Variants in CMSS1 observed in about 807,000 individuals in gnomAD.
CMSS1 encodes the protein protein CMSS1.
In CMSS1, 33 loss-of-function variants were observed where a neutral mutation model predicts 43.5. The observed-to-expected ratio is 0.76, with a 90% CI of 0.57 to 1.01. The LOEUF is 1.01. CMSS1 is among the 50% of genes least tolerant of loss of function. The pLI is 0.00. For missense variants in CMSS1, 313 were observed against 326.4 expected (o/e 0.96, Z 0.32); for synonymous variants, 115 against 117.2 (o/e 0.98, Z 0.12).
intron 1 of CMSS1, among the ~76,000 whole-genome samples, chr3:99,819,377 T>C (rs1255423319): frequency 2.0e-5 from 3 of 152,206 alleles, no homozygotes; most frequent in Non-Finnish European, 4.4e-5. Flanking sequence ...GGATCCCAAT[T>C]CTTGGTTCTA....
chr3:99,858,177 T>C (rs1348425295), intron 1 of CMSS1, among the ~76,000 whole-genome samples: 1 of 152,130 alleles, frequency 6.6e-6, no homozygotes, highest in Admixed American at 6.5e-5. Context: ...TTAAAAATAC[T>C]CATTAGTGCC....
chr3:100,096,175 G>A (rs970164246), intron 1 of CMSS1, among the ~76,000 whole-genome samples: 1 of 152,150 alleles, frequency 6.6e-6, no homozygotes, highest in Non-Finnish European at 1.5e-5. Context: ...ATGAAAATTG[G>A]TACAACCACT....
chr3:99,990,363 A>G (rs1468871293), intron 1 of CMSS1, among the ~76,000 whole-genome samples: 2 of 152,196 alleles, frequency 1.3e-5, no homozygotes, highest in Non-Finnish European at 2.9e-5. Flanking sequence ...TGATCCGTTC[A>G]ATCTCTCTAT....
intron 1 of CMSS1, among the ~76,000 whole-genome samples, chr3:100,059,946 G>A (rs2065531579): frequency 6.6e-6 from 1 of 151,830 alleles, no homozygotes; most frequent in Non-Finnish European, 1.5e-5. Flanking sequence ...CCTCGTTAGT[G>A]AGGTAAATCA....
chr3:99,981,213 C>A (rs1709113813), intron 1 of CMSS1, among the ~76,000 whole-genome samples: 1 of 152,146 alleles, frequency 6.6e-6, no homozygotes, highest in African/African-American at 2.4e-5. Context: ...TTTATACCTT[C>A]CAACTTTTAA....
intron 1 of CMSS1, among the ~76,000 whole-genome samples, chr3:100,037,287 A>G (rs2065124235): frequency 6.6e-6 from 1 of 152,216 alleles, no homozygotes; most frequent in African/African-American, 2.4e-5. Flanking sequence ...GGTTTAGAAA[A>G]ACAAATGTGT....
At chr3:100,062,261 G>A (rs1022134542) in intron 1 of CMSS1, among the ~76,000 whole-genome samples, 5 of 151,376 alleles carry the variant, frequency 3.3e-5, no homozygotes, top group Non-Finnish European at 5.9e-5. Flanking sequence ...ACAGGCGCTC[G>A]CCACCACGCC....
chr3:100,167,674 C>A lies in CMSS1; in HGVS notation c.416-64C>A, dbSNP rs532679009. 96 of 954,924 alleles carry A rather than the reference C, an allele frequency of 1.0e-4. 1 individual carries two copies. In the South Asian group the frequency reaches 1.5e-3, roughly 15 times the overall value. The allele number at this position is 954,924 out of a possible 1,614,324, so 59.2% of individuals were successfully genotyped here. Reference sequence around the variant, plus strand: ...AAATACTCAACAAAGAAGAAATGCTCAACTTGGGAGGTGTGCCCTGTTTTG... The same window carrying A: ...AAATACTCAACAAAGAAGAAATGCTAAACTTGGGAGGTGTGCCCTGTTTTG... On this transcript the variant is annotated intron_variant, in intron 5 of 9. Coordinates refer to ENST00000421999, the MANE Select transcript of CMSS1 (RefSeq NM_032359.4).
chr3:99,972,878 G>A (rs1207158955), intron 1 of CMSS1, among the ~76,000 whole-genome samples: 2 of 152,200 alleles, frequency 1.3e-5, no homozygotes, highest in African/African-American at 4.8e-5. Context: ...CATGTTAGAT[G>A]TAAATAATGA....
chr3:99,849,894 T>C, intron 1 of CMSS1: 1 of 1,611,902 alleles, frequency 6.2e-7, no homozygotes, highest in Non-Finnish European at 8.5e-7. Context: ...TTGCTTCCAA[T>C]GATTGAAGCC....
At chr3:99,983,438 ATATGTATGTATATATATATATGTGTG>A (rs1709207229) in intron 1 of CMSS1, among the ~76,000 whole-genome samples, 3 of 50,608 alleles carry the variant, frequency 5.9e-5, no homozygotes, top group Non-Finnish European at 7.7e-5. Flanking sequence ...GTATGTATAT[ATATGTATGTATATATATATATGTGTG>A]TATATATATA....
chr3:99,959,582 G>T (rs1324031222), intron 1 of CMSS1, among the ~76,000 whole-genome samples: 3 of 152,144 alleles, frequency 2.0e-5, no homozygotes, highest in African/African-American at 4.8e-5. Context: ...AGTTTTCCAC[G>T]TGTATAATTT....
chr3:100,140,694 G>A (rs1344747404), intron 1 of CMSS1, among the ~76,000 whole-genome samples: 1 of 152,024 alleles, frequency 6.6e-6, no homozygotes, highest in Non-Finnish European at 1.5e-5. Flanking sequence ...AGAGGAGCAA[G>A]GTTGTTCGCT....
At chr3:100,047,632 G>A (rs1025128314) in intron 1 of CMSS1, among the ~76,000 whole-genome samples, 1 of 152,196 alleles carries the variant, frequency 6.6e-6, no homozygotes, top group Non-Finnish European at 1.5e-5. Flanking sequence ...AACTGCAGGT[G>A]TCTGTCAAGA....
Position 100,065,833 on chromosome 3 carries a change from C to T in CMSS1, c.65-81140C>T, listed in dbSNP as rs6789840. On this transcript the variant is annotated intron_variant, in intron 1 of 9. Transcript: ENST00000421999. ...AATTCCATCAATAAATGTTTATTGG[C>T]CAGGTATCATTTACCTAATACTGTG... Among the ~76,000 whole-genome samples, 674 of 152,238 alleles carry T rather than the reference C, an allele frequency of 4.4e-3. 7 individuals carry two copies. Among genetic ancestry groups the T allele is most frequent in the African/African-American group, 0.016 (660 of 41,538 alleles).
At chr3:99,828,966 C>T (rs1942591868) in intron 1 of CMSS1, among the ~76,000 whole-genome samples, 2 of 152,028 alleles carry the variant, frequency 1.3e-5, no homozygotes, top group South Asian at 4.1e-4. Flanking sequence ...TGCCCATCAT[C>T]CCTTTCAATG....
Position 99,930,790 on chromosome 3 carries a change from G to T in CMSS1, c.64+112747G>T, listed in dbSNP as rs757665173. The T allele has an allele frequency of 1.9e-6, 3 of 1,613,052 alleles. No homozygotes were observed. The African/African-American group carries it at 4.0e-5, about 22-fold the overall frequency. ...TGACCTGCAGTTCTCCCTCCAGAAT[G>T]CTGAGGAGAAATAACAGGTCATCTC... On this transcript the variant is annotated intron_variant, in intron 1 of 9. Transcript: ENST00000421999.
intron 1 of CMSS1, among the ~76,000 whole-genome samples, chr3:99,852,599 C>A (rs946235245): frequency 2.0e-5 from 3 of 152,108 alleles, no homozygotes; most frequent in Non-Finnish European, 4.4e-5. Context: ...GCACGCACCA[C>A]CACGCCCAGC....
In CMSS1 at chr3:99,989,664, CTATA is replaced by C. The variant is rs72124290; in HGVS notation, c.65-157291_65-157288del. Among the ~76,000 whole-genome samples, 283 of 62,810 alleles carry C rather than the reference CTATA, an allele frequency of 4.5e-3. 2 individuals are homozygous for C. The highest frequency in any genetic ancestry group is 0.02 in the African/African-American group (252 of 12,474). 41.2% of individuals were successfully genotyped at this position (62,810 alleles called of 152,430 possible). A position where few individuals can be genotyped will look rare whatever the true frequency, so the allele number is the denominator to read the frequency against. On this transcript the variant is annotated intron_variant, in intron 1 of 9. Coordinates refer to ENST00000421999, the MANE Select transcript of CMSS1 (RefSeq NM_032359.4). The stretch of plus-strand genomic sequence containing the variant: ...AAAATACTCAATTTAGTATCTTCCT[CTATA>C]TATATATATATATATATTTTTTTTC...
Sources: allele counts gnomAD v4.1 joint callset (sites outside exome capture counted in the v4.1 genomes callset), GRCh38; gene constraint gnomAD v4.1.1; transcripts MANE v1.5; gene names NCBI Gene and HGNC (gene_info 2026-07-23, HGNC 2026-07-21).